Variants in HDGF observed in about 807,000 individuals in gnomAD.
The protein encoded by HDGF is heparin binding growth factor, also known as hepatoma-derived growth factor.
In HDGF, 5 loss-of-function variants were observed where a neutral mutation model predicts 30.0. The observed-to-expected ratio is 0.17, with a 90% CI of 0.09 to 0.35. The LOEUF (loss-of-function observed/expected upper bound fraction) is 0.35, where lower values mean the gene tolerates loss of function less well. HDGF is among the 10% of genes least tolerant of loss of function. HDGF has a pLI of 1.00. For missense variants in HDGF, 214 were observed against 302.8 expected, an observed-to-expected ratio of 0.71 and a Z score of 2.18; for synonymous variants, 133 against 112.7, an observed-to-expected ratio of 1.18 and a Z score of -1.14.
intron 3 of HDGF, 130 bp from the exon 4 acceptor site, chr1:156,744,478 C>T (rs1313049415): frequency 1.3e-6 from 2 of 1,557,698 alleles, no homozygotes; most frequent in African/African-American, 1.4e-5. Context: ...GGTGCCCAGT[C>T]TCACGAGTGA....
chr1:156,757,129 G>A (rs1651166450), upstream of HDGF, among the ~76,000 whole-genome samples: 1 of 151,388 alleles, frequency 6.6e-6, no homozygotes, highest in Non-Finnish European at 1.5e-5. Flanking sequence ...AATTATAAGA[G>A]TTATTCTCTA....
At chr1:156,759,221 T>C (rs1651202811) in intron 1 of HDGF, 1 of 152,142 alleles carries the variant, frequency 6.6e-6, no homozygotes, top group Non-Finnish European at 1.5e-5. Context: ...TGATGCAAAC[T>C]TTAGGAGGTA....
chr1:156,744,204 C>T lies in HDGF; in HGVS notation c.448G>A (p.Glu150Lys), dbSNP rs745973675. Residue 150 changes from glutamate (E) to lysine (K), a missense_variant, in exon 4 of 6, where the codon GAG (glutamate) becomes AAG (lysine). By Grantham distance (56) the Glu-to-Lys change is moderately conservative. This residue lies in a region of HDGF where 176 missense variants were observed against 211.7 expected (regional missense o/e 0.83). Transcript: ENST00000357325. ...GCTCTCCTCTTCAACGCTCCTTTCT[C>T]GTTCTTCTCCTTGGCTGGCTCATCA... The part of the protein sequence containing the change: ...VIDEPAKEKN[E>K]KGALKRRAGD... 8 of 1,614,006 alleles carry T rather than the reference C, an allele frequency of 5.0e-6. No homozygotes were observed. Among genetic ancestry groups the T allele is most frequent in the African/African-American group, 1.3e-5 (1 of 74,894 alleles).
intron 1 of HDGF, among the ~76,000 whole-genome samples, chr1:156,759,640 C>T (rs186112967): frequency 1.9e-4 from 29 of 152,294 alleles, no homozygotes; most frequent in Admixed American, 1.7e-3. Context: ...CGCCACCATG[C>T]CCGGCTCATT....
At chr1:156,751,791 C>T (rs990821331), upstream of HDGF, 15 of 1,156,324 alleles carry the variant, frequency 1.3e-5, no homozygotes, top group Non-Finnish European at 1.4e-5. This position sits in a 1 kb window ranked among gnomAD's most constrained non-coding sequence, Gnocchi z 4.7. Flanking sequence ...GCCCCCCAAC[C>T]TCGCGCTCCC....
rs945276882 is a variant in HDGF at position 156,744,344 on chromosome 1, G to A, written c.308C>T (p.Ser103Phe). 5 of 1,613,814 alleles carry A rather than the reference G, an allele frequency of 3.1e-6. No individual in the cohort carries two copies. The highest frequency in any genetic ancestry group is 4.2e-6 in the Non-Finnish European group (5 of 1,180,008). Residue 103 changes from serine (S) to phenylalanine (F), a missense_variant, in exon 4 of 6, where the codon TCC (serine) becomes TTC (phenylalanine). Physicochemically the swap from Ser to Phe is radical, Grantham distance 155. Around this residue, in one of 2 missense-constraint regions of HDGF, gnomAD observed 176 missense variants for 211.7 expected, o/e 0.83. Coordinates refer to ENST00000357325, the MANE Select transcript of HDGF (RefSeq NM_004494.3). Reference protein sequence around the residue: ...PTVKASGYQSSQKKSCVEEPE... With the variant: ...PTVKASGYQSFQKKSCVEEPE... ...CTCTTCCACACAGCTCTTTTTCTGG[G>A]AGGACTGCAGCAGAGACAGCACAGG... is the stretch of plus-strand genomic sequence containing the variant.
At chr1:156,765,067 G>C (rs1351956907) in intron 1 of HDGF, among the ~76,000 whole-genome samples, 1 of 150,332 alleles carries the variant, frequency 6.7e-6, no homozygotes, top group Non-Finnish European at 1.5e-5. Flanking sequence ...ACAGGGCTCT[G>C]TAATACTTTA....
chr1:156,746,301 G>A (rs1030182463), intron 1 of HDGF, among the ~76,000 whole-genome samples: 2 of 152,208 alleles, frequency 1.3e-5, no homozygotes, highest in Non-Finnish European at 2.9e-5. Context: ...ACGGTGCTTA[G>A]CATACAGTAG....
chr1:156,764,081 TTTTGTTTG>T (rs56669278), intron 1 of HDGF, among the ~76,000 whole-genome samples: 1 of 150,882 alleles, frequency 6.6e-6, no homozygotes, highest in African/African-American at 2.4e-5. Flanking sequence ...TTTTTTCTGT[TTTTGTTTG>T]TTTGTTTGTT....
upstream of HDGF, chr1:156,751,843 G>A (rs1215670696): frequency 7.1e-6 from 7 of 985,714 alleles, no homozygotes; most frequent in Non-Finnish European, 9.6e-6. This position sits in a 1 kb window ranked among gnomAD's most constrained non-coding sequence, Gnocchi z 4.7. Context: ...GACGCCCAGG[G>A]CCTGCCACGG....
chr1:156,752,515 G>A (rs1651045446), upstream of HDGF: 2 of 671,414 alleles, frequency 3.0e-6, no homozygotes, highest in South Asian at 1.9e-5. Flanking sequence ...GAGGGGCCAG[G>A]TGCTACCTCT....
intron 4 of HDGF, 28 bp from the exon 5 acceptor site, chr1:156,743,906 C>A: frequency 6.4e-7 from 1 of 1,569,226 alleles, no homozygotes; most frequent in South Asian, 1.1e-5. Flanking sequence ...AGGAAGTGGG[C>A]TGAGGCTGGA....
In HDGF at chr1:156,743,244, TG is replaced by T; in HGVS notation, c.*204del. The T allele has an allele frequency of 1.9e-6, 1 of 530,258 alleles. No individual in the cohort carries two copies. Among genetic ancestry groups the T allele is most frequent in the Non-Finnish European group, 3.4e-6 (1 of 298,058 alleles). The allele number at this position is 530,258 out of a possible 1,614,324, so 32.8% of individuals were successfully genotyped here. On this transcript the variant is annotated 3_prime_UTR_variant, in exon 6 of 6. Transcript: ENST00000357325. Reference sequence around the variant, plus strand: ...GGCTCTGACTCAGATCATAGGAGTATGGGGACCTAGAGGTGAGAGCCAGGTG... The same window carrying T: ...GGCTCTGACTCAGATCATAGGAGTATGGGACCTAGAGGTGAGAGCCAGGTG...
rs191572648 is a variant in HDGF, at chr1:156,744,033, G to A, written c.489+130C>T. 24 of 1,102,804 alleles carry A rather than the reference G, an allele frequency of 2.2e-5. 1 individual carries two copies. The East Asian group carries it at 4.7e-4, about 22-fold the overall frequency. The allele number at this position is 1,102,804 out of a possible 1,614,324, so 68.3% of individuals were successfully genotyped here. A position where few individuals can be genotyped will look rare whatever the true frequency, so the allele number is the denominator to read the frequency against. ...CCTTCTGTGTCCCATCTGGTCAGCT[G>A]GGGACTCCCCAAGACTAGGGGCTGG... On this transcript the variant is annotated intron_variant, in intron 4 of 5. Coordinates refer to ENST00000357325, the MANE Select transcript of HDGF (RefSeq NM_004494.3).
At position 156,751,316 on chromosome 1, in the gene HDGF, T is replaced by C; in HGVS notation, c.87+27A>G. 1 of 1,592,084 alleles carries C rather than the reference T, an allele frequency of 6.3e-7. No homozygotes were observed. Among genetic ancestry groups the C allele is most frequent in the South Asian group, 1.1e-5 (1 of 89,594 alleles). ...TATGCAACCCAAGCCCGCAGGGGGTTAGGGGGCGGCGGGCCGCGCTGCTCA... is the reference window on the plus strand; with the variant it reads ...TATGCAACCCAAGCCCGCAGGGGGTCAGGGGGCGGCGGGCCGCGCTGCTCA... On this transcript the variant is annotated intron_variant, in intron 1 of 5. Transcript: ENST00000357325. The surrounding 1 kb of genome is among the most constrained non-coding windows in gnomAD (Gnocchi z 4.7).
chr1:156,761,630 CA>C (rs202167835), intron 1 of HDGF, among the ~76,000 whole-genome samples: 19 of 132,644 alleles, frequency 1.4e-4, no homozygotes, highest in African/African-American at 3.4e-4. Context: ...AAACAAAAAA[CA>C]AAAAAAAAAC....
chr1:156,746,595 G>A (rs1184658617), intron 1 of HDGF, among the ~76,000 whole-genome samples: 1 of 152,228 alleles, frequency 6.6e-6, no homozygotes, highest in Non-Finnish European at 1.5e-5. Context: ...AAGCGCTGTG[G>A]TGAAGGTGAG....
In HDGF at chr1:156,748,334, G is replaced by T. The variant is rs540846638; in HGVS notation, c.88-2961C>A. Reference sequence around the variant, plus strand: ...TCTTCCTAGATGTAGAGGTTATGAGGTCTCAGGGCAGCCCTGTACCCCAAT... The same window carrying T: ...TCTTCCTAGATGTAGAGGTTATGAGTTCTCAGGGCAGCCCTGTACCCCAAT... On this transcript the variant is annotated intron_variant, in intron 1 of 5. Coordinates refer to ENST00000357325, the MANE Select transcript of HDGF (RefSeq NM_004494.3). Among the ~76,000 whole-genome samples, 7 of 152,286 alleles carry T rather than the reference G, an allele frequency of 4.6e-5. No homozygotes were observed. In the South Asian group the frequency reaches 1.4e-3, roughly 32 times the overall value.
chr1:156,759,403 C>T (rs181235270), intron 1 of HDGF, among the ~76,000 whole-genome samples: 1 of 151,980 alleles, frequency 6.6e-6, no homozygotes, highest in East Asian at 1.9e-4. Flanking sequence ...ACACCGTATA[C>T]ACTTTGCTCT....
Sources: gnomAD v4.1 joint callset for allele counts (sites outside exome capture counted in the v4.1 genomes callset) on GRCh38, gnomAD v4.1.1 for gene constraint, gnomAD v4.1.1 regional missense constraint, Gnocchi (gnomAD v3.1) non-coding constraint, MANE v1.5 for transcripts, NCBI Gene and HGNC (gene_info 2026-07-23, HGNC 2026-07-21) for gene names.